The following KAZN variants were observed in gnomAD, a reference collection of about 807,000 sequenced individuals.
KAZN encodes kazrin.
In KAZN, 40 loss-of-function variants were observed where a neutral mutation model predicts 87.4. The ratio of observed to expected loss-of-function variants is 0.46; its 90% CI spans 0.36 to 0.60. The LOEUF (loss-of-function observed/expected upper bound fraction) is 0.60. Among genes scored for constraint, KAZN ranks in the 20% least tolerant of loss-of-function variants. KAZN has a pLI of 0.00. For synonymous variants in KAZN, 466 were observed against 458.3 expected (o/e 1.02, Z -0.22); for missense variants, 898 against 1,073.9 (o/e 0.84, Z 2.29).
At chr1:14,135,067 T>C (rs6700340) in intron 1 of KAZN, among the ~76,000 whole-genome samples, 86,922 of 151,628 alleles carry the variant, frequency 0.57, 26,214 homozygotes, top group East Asian at 0.76. Context: ...GGAAAAGTAA[T>C]TGCAGTTTTT....
intron 2 of KAZN, among the ~76,000 whole-genome samples, chr1:14,466,320 G>C (rs1668125156): frequency 7.4e-6 from 1 of 134,768 alleles, no homozygotes; most frequent in East Asian, 2.3e-4. Flanking sequence ...TGAACTTCAA[G>C]TTTTTATAAG....
At chr1:14,963,817 TC>T (rs61199066) in intron 2 of KAZN, among the ~76,000 whole-genome samples, 12,609 of 151,950 alleles carry the variant, frequency 0.083, 1,726 homozygotes, top group African/African-American at 0.28. Flanking sequence ...TGTGTGATGT[TC>T]CCCCTCCCTG....
chr1:14,169,941 G>T (rs1570928028), intron 1 of KAZN, among the ~76,000 whole-genome samples: 1 of 152,112 alleles, frequency 6.6e-6, no homozygotes, highest in Non-Finnish European at 1.5e-5. Flanking sequence ...GACCCCAAAA[G>T]CTCAGGCCCT....
chr1:14,436,423 C>A (rs540458136), intron 2 of KAZN, among the ~76,000 whole-genome samples: 56 of 152,064 alleles, frequency 3.7e-4, no homozygotes, highest in Non-Finnish European at 5.9e-5. Context: ...TTCTTTGTGC[C>A]AGGCACTGAT....
intron 2 of KAZN, among the ~76,000 whole-genome samples, chr1:14,233,539 C>G (rs2100549366): frequency 6.6e-6 from 1 of 152,306 alleles, no homozygotes; most frequent in South Asian, 2.1e-4. Flanking sequence ...TACAGGTTAG[C>G]TCCCTCAGGT....
chr1:15,086,171 A>C (rs1344436427), intron 8 of KAZN, among the ~76,000 whole-genome samples: 1 of 152,136 alleles, frequency 6.6e-6, no homozygotes. Flanking sequence ...GGGTTTCACC[A>C]TGTTGGCCAG....
intron 8 of KAZN, among the ~76,000 whole-genome samples, chr1:15,082,847 C>T (rs1381663927): frequency 6.6e-6 from 1 of 152,194 alleles, no homozygotes; most frequent in African/African-American, 2.4e-5. Flanking sequence ...TGCGTGCCAC[C>T]ATACCTGGCT....
chr1:14,485,649 C>T (rs79979275), intron 2 of KAZN, among the ~76,000 whole-genome samples: 4,433 of 152,186 alleles, frequency 0.029, 86 homozygotes, highest in Admixed American at 0.051. Flanking sequence ...AATCCCAGCA[C>T]GTCGGGAGGC....
intron 1 of KAZN, among the ~76,000 whole-genome samples, chr1:14,173,019 C>G (rs1645989110): frequency 6.6e-6 from 1 of 152,172 alleles, no homozygotes; most frequent in South Asian, 2.1e-4. Context: ...CCTCTTATGA[C>G]CTAGCCTTAG....
At chr1:14,225,029 A>G (rs1251766101) in intron 2 of KAZN, among the ~76,000 whole-genome samples, 8 of 152,232 alleles carry the variant, frequency 5.3e-5, no homozygotes, top group Non-Finnish European at 1.2e-4. Context: ...TATTCAACAT[A>G]GTACTAGAAG....
At chr1:14,470,801 C>CT (rs1273417508) in intron 2 of KAZN, among the ~76,000 whole-genome samples, 1 of 152,194 alleles carries the variant, frequency 6.6e-6, no homozygotes, top group East Asian at 1.9e-4. Context: ...CCCAAGACCC[C>CT]TGCTCCCATG....
intron 4 of KAZN, among the ~76,000 whole-genome samples, chr1:15,051,934 A>G (rs552319300): frequency 5.3e-5 from 8 of 152,354 alleles, no homozygotes; most frequent in African/African-American, 1.9e-4. Flanking sequence ...CTTTTGTCAA[A>G]TGGATGCATT....
chr1:13,917,675 T>C (rs543431425), intron 1 of KAZN, among the ~76,000 whole-genome samples: 1 of 151,566 alleles, frequency 6.6e-6, no homozygotes, highest in African/African-American at 2.4e-5. Context: ...GATGCAGCTG[T>C]GGTCCCAGCT....
intron 2 of KAZN, among the ~76,000 whole-genome samples, chr1:14,268,034 G>A (rs1651630931): frequency 6.6e-6 from 1 of 152,118 alleles, no homozygotes; most frequent in Non-Finnish European, 1.5e-5. Flanking sequence ...AATTGAATTG[G>A]CCAACAATTT....
chr1:13,996,707 G>T (rs555897884), intron 1 of KAZN, among the ~76,000 whole-genome samples: 11 of 152,274 alleles, frequency 7.2e-5, no homozygotes, highest in African/African-American at 2.6e-4. Flanking sequence ...GGTCTCCCTG[G>T]GCCTAAGCCC....
At chr1:13,902,892 C>T (rs958468302) in intron 1 of KAZN, among the ~76,000 whole-genome samples, 1 of 152,204 alleles carries the variant, frequency 6.6e-6, no homozygotes, top group Non-Finnish European at 1.5e-5. Flanking sequence ...CCCTCCCATT[C>T]TTCCTGAATA....
chr1:14,559,359 G>A (rs760975761), intron 2 of KAZN, among the ~76,000 whole-genome samples: 10 of 152,204 alleles, frequency 6.6e-5, no homozygotes, highest in Non-Finnish European at 1.3e-4. Context: ...TAGTTGGAGA[G>A]GAGTTAATGC....
chr1:15,022,063 C>G (rs1670724011), intron 2 of KAZN, among the ~76,000 whole-genome samples: 1 of 152,182 alleles, frequency 6.6e-6, no homozygotes, highest in Non-Finnish European at 1.5e-5. Context: ...TACCATGTCT[C>G]TCCCATAACA....
intron 1 of KAZN, among the ~76,000 whole-genome samples, chr1:14,645,494 T>A (rs1317513166): frequency 6.6e-6 from 1 of 152,202 alleles, no homozygotes; most frequent in African/African-American, 2.4e-5. Flanking sequence ...GTTTTGTAAT[T>A]CTCATTCTAG....
Sources: gnomAD v4.1 joint callset for allele counts (sites outside exome capture counted in the v4.1 genomes callset) on GRCh38, gnomAD v4.1.1 for gene constraint, MANE v1.5 for transcripts, NCBI Gene and HGNC (gene_info 2026-07-23, HGNC 2026-07-21) for gene names.